ERC2: variants seen among roughly 807,000 people sequenced by gnomAD.
ERC2 encodes the protein ERC protein 2.
A neutral mutation model predicts 114.8 loss-of-function variants in ERC2; 42 were observed. The observed-to-expected ratio is 0.37, with a 90% CI of 0.29 to 0.47. The LOEUF is 0.47. Among genes scored for constraint, ERC2 ranks in the 20% least tolerant of loss-of-function variants. ERC2 has a pLI of 0.99. For synonymous variants in ERC2, 454 were observed against 425.5 expected (o/e 1.07, Z -0.82); for missense variants, 939 against 1,150.7 (o/e 0.82, Z 2.66).
chr3:56,192,417 C>T (rs187746789), intron 3 of ERC2, among the ~76,000 whole-genome samples: 7 of 152,232 alleles, frequency 4.6e-5, no homozygotes, highest in African/African-American at 1.2e-4. Context: ...TGTACATAAT[C>T]TCATTTATAT....
At chr3:56,138,991 C>T (rs17056493) in intron 6 of ERC2, among the ~76,000 whole-genome samples, 8,916 of 152,164 alleles carry the variant, frequency 0.059, 307 homozygotes, top group African/African-American at 0.1. Flanking sequence ...CCTTAGTAAA[C>T]AAGAACCCTT....
At chr3:56,386,897 A>T (rs1039301757) in intron 2 of ERC2, among the ~76,000 whole-genome samples, 2 of 152,198 alleles carry the variant, frequency 1.3e-5, no homozygotes, top group Admixed American at 6.5e-5. Context: ...CTTTCATTCC[A>T]TATGAACAGC....
intron 17 of ERC2, among the ~76,000 whole-genome samples, chr3:55,540,124 G>A (rs991876043): frequency 6.6e-6 from 1 of 152,138 alleles, no homozygotes; most frequent in African/African-American, 2.4e-5. Context: ...TGCATTTCCA[G>A]GCTAATGCCT....
chr3:55,957,907 G>A (rs1487327471), intron 12 of ERC2, among the ~76,000 whole-genome samples: 1 of 152,214 alleles, frequency 6.6e-6, no homozygotes, highest in Admixed American at 6.5e-5. Flanking sequence ...GAGACCCTAG[G>A]TCTGGGCTTC....
intron 17 of ERC2, among the ~76,000 whole-genome samples, chr3:55,621,141 T>C (rs140788676): frequency 6.6e-6 from 1 of 152,130 alleles, no homozygotes; most frequent in African/African-American, 2.4e-5. Context: ...AAAACCCCGA[T>C]TTGACTCTAA....
At chr3:55,754,249 T>C (rs1257356325) in intron 14 of ERC2, among the ~76,000 whole-genome samples, 1 of 152,152 alleles carries the variant, frequency 6.6e-6, no homozygotes, top group Non-Finnish European at 1.5e-5. Flanking sequence ...TCTGTACTTT[T>C]ATCTACAGAT....
chr3:56,207,269 C>A (rs1478360901), intron 3 of ERC2, among the ~76,000 whole-genome samples: 3 of 151,878 alleles, frequency 2.0e-5, no homozygotes, highest in African/African-American at 7.3e-5. Flanking sequence ...ACAAAAGTAA[C>A]ATGATTTTTT....
At chr3:55,696,923 T>C (rs1378672400) in intron 16 of ERC2, among the ~76,000 whole-genome samples, 2 of 152,192 alleles carry the variant, frequency 1.3e-5, no homozygotes, top group African/African-American at 4.8e-5. Flanking sequence ...ACTTGATGAC[T>C]TCAATTTAAA....
intron 3 of ERC2, among the ~76,000 whole-genome samples, chr3:56,273,758 C>T (rs1409522436): frequency 7.2e-5 from 11 of 152,078 alleles, no homozygotes; most frequent in Non-Finnish European, 1.2e-4. Flanking sequence ...AAAATGAAGC[C>T]CCTTCCCAAG....
chr3:56,292,841 G>T (rs2055181361), intron 3 of ERC2, among the ~76,000 whole-genome samples: 2 of 152,004 alleles, frequency 1.3e-5, no homozygotes. Flanking sequence ...GGTTATGCAG[G>T]TCTCAGTTCA....
At chr3:55,663,295 C>G (rs765004588) in intron 17 of ERC2, among the ~76,000 whole-genome samples, 23 of 152,216 alleles carry the variant, frequency 1.5e-4, no homozygotes. Flanking sequence ...TTCCAATGTA[C>G]CTGCCAGAGC....
chr3:55,823,999 C>A (rs1047340124), intron 14 of ERC2, among the ~76,000 whole-genome samples: 5 of 152,186 alleles, frequency 3.3e-5, no homozygotes, highest in African/African-American at 1.2e-4. Flanking sequence ...CAGATGGCCA[C>A]CTTCTTGCTG....
chr3:55,910,987 T>C (rs2064765210), intron 13 of ERC2, among the ~76,000 whole-genome samples: 1 of 152,366 alleles, frequency 6.6e-6, no homozygotes, highest in African/African-American at 2.4e-5. Flanking sequence ...CCTGCACTCA[T>C]GGTGCTCATA....
chr3:56,275,953 G>A (rs2053961432), intron 3 of ERC2, among the ~76,000 whole-genome samples: 1 of 152,192 alleles, frequency 6.6e-6, no homozygotes, highest in Non-Finnish European at 1.5e-5. Context: ...TGTCAACAGT[G>A]CTGGCGTGGT....
At chr3:56,097,421 A>G (rs2078121545) in intron 6 of ERC2, among the ~76,000 whole-genome samples, 1 of 152,106 alleles carries the variant, frequency 6.6e-6, no homozygotes, top group Non-Finnish European at 1.5e-5. Flanking sequence ...AAAATATCAC[A>G]GCACTTATAG....
intron 15 of ERC2, among the ~76,000 whole-genome samples, chr3:55,702,350 A>G (rs991119010): frequency 2.0e-5 from 3 of 152,178 alleles, no homozygotes; most frequent in Non-Finnish European, 4.4e-5. Flanking sequence ...GGAAGAGAAG[A>G]GTGTGAAACA....
At chr3:56,393,035 C>G (rs955817567) in intron 2 of ERC2, among the ~76,000 whole-genome samples, 1 of 152,174 alleles carries the variant, frequency 6.6e-6, no homozygotes, top group Non-Finnish European at 1.5e-5. Context: ...ATTCCCTTAG[C>G]CTAGAATGTT....
At chr3:56,098,355 G>A (rs185838075) in intron 6 of ERC2, among the ~76,000 whole-genome samples, 3 of 152,258 alleles carry the variant, frequency 2.0e-5, no homozygotes, top group African/African-American at 7.2e-5. Flanking sequence ...GAAGTGGAGC[G>A]TGAGGAAAGA....
At chr3:56,145,977 A>C (rs1296228179) in intron 5 of ERC2, among the ~76,000 whole-genome samples, 1 of 152,128 alleles carries the variant, frequency 6.6e-6, no homozygotes, top group East Asian at 1.9e-4. Flanking sequence ...TAAATGAGGA[A>C]TCACACTCAT....
Sources: gnomAD v4.1 joint callset for allele counts (sites outside exome capture counted in the v4.1 genomes callset) on GRCh38, gnomAD v4.1.1 for gene constraint, MANE v1.5 for transcripts, NCBI Gene and HGNC (gene_info 2026-07-23, HGNC 2026-07-21) for gene names.